Variants in NELL1 observed in about 807,000 individuals in gnomAD.
NELL1 encodes protein kinase C-binding protein NELL1.
Under a neutral mutation model 107.4 loss-of-function variants are expected in NELL1, and 76 were observed. That is an observed-to-expected ratio of 0.71 (90% CI 0.59 to 0.86). The LOEUF is 0.86. Among genes scored for constraint, NELL1 ranks in the 40% least tolerant of loss-of-function variants. The probability of loss-of-function intolerance (pLI) is 0.00; values close to 1 mark genes in which losing one functional copy is unlikely to be tolerated. For synonymous variants in NELL1, 353 were observed against 341.2 expected (o/e 1.03, Z -0.38); for missense variants, 1,024 against 1,005.5 (o/e 1.02, Z -0.25).
chr11:21,088,723 G>GT (rs1396213478), intron 12 of NELL1, among the ~76,000 whole-genome samples: 1 of 152,078 alleles, frequency 6.6e-6, no homozygotes, highest in Non-Finnish European at 1.5e-5. Flanking sequence ...TTTTTTTAAA[G>GT]TGTATCTTCA....
At chr11:21,224,129 G>A (rs1162261816) in intron 13 of NELL1, among the ~76,000 whole-genome samples, 1 of 152,086 alleles carries the variant, frequency 6.6e-6, no homozygotes, top group South Asian at 2.1e-4. Flanking sequence ...TGACTATAAT[G>A]TGCCTTGGCA....
intron 12 of NELL1, among the ~76,000 whole-genome samples, chr11:20,965,784 G>A (rs1590471929): frequency 6.6e-6 from 1 of 152,130 alleles, no homozygotes; most frequent in African/African-American, 2.4e-5. Flanking sequence ...GGCTGGGAAA[G>A]TGGTAGAGAG....
chr11:21,314,815 C>G (rs998887758), intron 14 of NELL1, among the ~76,000 whole-genome samples: 1 of 151,672 alleles, frequency 6.6e-6, no homozygotes, highest in African/African-American at 2.4e-5. Context: ...AGATTATTGG[C>G]TGATGGCTCG....
chr11:21,419,594 C>T (rs1852608879), intron 15 of NELL1, among the ~76,000 whole-genome samples: 2 of 152,088 alleles, frequency 1.3e-5, no homozygotes, highest in African/African-American at 4.8e-5. Flanking sequence ...TTTCTTATTA[C>T]TGGTCCCAAG....
At chr11:21,282,064 A>T (rs2133948499) in intron 14 of NELL1, among the ~76,000 whole-genome samples, 2 of 152,356 alleles carry the variant, frequency 1.3e-5, no homozygotes, top group African/African-American at 4.8e-5. Context: ...AAGACAACCT[A>T]CAGATGGGAG....
Position 20,995,658 on chromosome 11 carries a change from C to G in NELL1, c.1300+35098C>G, listed in dbSNP as rs1487718972. 4.6e-5 allele frequency among the ~76,000 whole-genome samples: 7 copies of G among 152,220 alleles called. No homozygotes were observed. The East Asian group carries it at 1.2e-3, about 25-fold the overall frequency. On this transcript the variant is annotated intron_variant, in intron 12 of 19. Transcript: ENST00000357134. The stretch of plus-strand genomic sequence containing the variant: ...AGTGGCTCCAGTTCTCAACTCAGTT[C>G]TTCCCCTTTGTTATTTCCCTTCAAC...
chr11:21,490,456 A>T (rs1450841091), intron 15 of NELL1, among the ~76,000 whole-genome samples: 2 of 69,860 alleles, frequency 2.9e-5, no homozygotes, highest in African/African-American at 1.2e-4. Flanking sequence ...TGTGTATGGA[A>T]CCAAAAAAAA....
At chr11:21,342,976 A>G (rs1590854822) in intron 14 of NELL1, among the ~76,000 whole-genome samples, 1 of 152,042 alleles carries the variant, frequency 6.6e-6, no homozygotes, top group South Asian at 2.1e-4. Flanking sequence ...TTCTTCTTTT[A>G]ATACTGTTGA....
At chr11:20,997,029 A>C (rs1417531141) in intron 12 of NELL1, among the ~76,000 whole-genome samples, 2 of 152,220 alleles carry the variant, frequency 1.3e-5, no homozygotes, top group Non-Finnish European at 2.9e-5. Context: ...TTTGCAAAAA[A>C]ACTTTATCCT....
chr11:20,690,999 G>C (rs377084933), intron 2 of NELL1, among the ~76,000 whole-genome samples: 1 of 151,810 alleles, frequency 6.6e-6, no homozygotes, highest in Non-Finnish European at 1.5e-5. Context: ...GGTCCTTCAC[G>C]TCCCTTTTAA....
intron 13 of NELL1, among the ~76,000 whole-genome samples, chr11:21,172,848 A>G (rs1401238839): frequency 6.6e-6 from 1 of 151,642 alleles, no homozygotes; most frequent in African/African-American, 2.4e-5. Flanking sequence ...GAAGTGGAGG[A>G]AAATGGGTAT....
intron 2 of NELL1, among the ~76,000 whole-genome samples, chr11:20,688,742 T>C (rs1854373293): frequency 6.6e-6 from 1 of 152,128 alleles, no homozygotes. Flanking sequence ...TACTTTTGGA[T>C]ATATGTATTA....
chr11:21,373,094 T>TAAAAC (rs958818365), intron 15 of NELL1, among the ~76,000 whole-genome samples: 1 of 152,022 alleles, frequency 6.6e-6, no homozygotes, highest in African/African-American at 2.4e-5. Flanking sequence ...AAAAATACAA[T>TAAAAC]AAAACAAGAT....
chr11:21,084,370 A>G (rs1854339883), intron 12 of NELL1, among the ~76,000 whole-genome samples: 1 of 152,212 alleles, frequency 6.6e-6, no homozygotes, highest in African/African-American at 2.4e-5. Context: ...TAATAGAGTG[A>G]TTATAATGGC....
chr11:20,729,363 G>A (rs1855579077), intron 2 of NELL1, among the ~76,000 whole-genome samples: 1 of 152,122 alleles, frequency 6.6e-6, no homozygotes. Context: ...AGTGGTGAGA[G>A]TGAGCTTTAT....
intron 13 of NELL1, among the ~76,000 whole-genome samples, chr11:21,186,830 A>G (rs2133830633): frequency 6.6e-6 from 1 of 151,964 alleles, no homozygotes; most frequent in South Asian, 2.1e-4. Flanking sequence ...GGAGAAAGGG[A>G]AAAATAAACA....
chr11:21,299,509 ATATGTGTG>A (rs1375572023), intron 14 of NELL1, among the ~76,000 whole-genome samples: 7 of 106,662 alleles, frequency 6.6e-5, no homozygotes, highest in South Asian at 7.1e-4. Flanking sequence ...TTATTGTCTT[ATATGTGTG>A]TGTGTGTGTG....
intron 13 of NELL1, among the ~76,000 whole-genome samples, chr11:21,210,440 T>C (rs1857474490): frequency 6.6e-6 from 1 of 152,186 alleles, no homozygotes; most frequent in African/African-American, 2.4e-5. Context: ...TGTGAAGTGG[T>C]ATCTCATTGT....
chr11:21,155,114 G>C (rs759131572), intron 13 of NELL1, among the ~76,000 whole-genome samples: 1 of 152,112 alleles, frequency 6.6e-6, no homozygotes, highest in Non-Finnish European at 1.5e-5. Flanking sequence ...AGAGATTGTT[G>C]GATTTGGGAG....
Sources: gnomAD v4.1 joint callset for allele counts (sites outside exome capture counted in the v4.1 genomes callset) on GRCh38, gnomAD v4.1.1 for gene constraint, MANE v1.5 for transcripts, NCBI Gene and HGNC (gene_info 2026-07-23, HGNC 2026-07-21) for gene names.